WRN: variants seen among roughly 807,000 people sequenced by gnomAD.
The protein encoded by WRN is bifunctional 3'-5' exonuclease/ATP-dependent helicase WRN.
A neutral mutation model predicts 180.7 loss-of-function variants in WRN; 149 were observed. That is an observed-to-expected ratio of 0.82 (90% CI 0.72 to 0.94). The LOEUF (loss-of-function observed/expected upper bound fraction) is 0.94. WRN is among the 40% of genes least tolerant of loss of function. The pLI is 0.00. For synonymous variants in WRN, 548 were observed against 568.9 expected (o/e 0.96, Z 0.52); for missense variants, 1,661 against 1,700.1 (o/e 0.98, Z 0.40).
intron 1 of WRN, among the ~76,000 whole-genome samples, chr8:31,052,666 C>T (rs899388105): frequency 1.3e-5 from 2 of 152,178 alleles, no homozygotes; most frequent in Non-Finnish European, 2.9e-5. Context: ...GGATTACACA[C>T]GTGAGCCACT....
intron 34 of WRN, 43 bp downstream of exon 34, chr8:31,167,273 C>T (rs1803937400): frequency 6.6e-7 from 1 of 1,511,134 alleles, no homozygotes; most frequent in Non-Finnish European, 9.1e-7. Context: ...TCAGTTTGTT[C>T]AATTTGCATA....
chr8:31,166,049 G>A (rs1434050611), intron 33 of WRN, among the ~76,000 whole-genome samples: 4 of 151,818 alleles, frequency 2.6e-5, no homozygotes, highest in South Asian at 2.1e-4. Flanking sequence ...GTTTTGTTTT[G>A]TTTTGTTTTT....
At position 31,124,923 on chromosome 8, in the gene WRN, T is replaced by G; in HGVS notation, c.2748T>G (p.His916Gln). The G allele has an allele frequency of 1.2e-6, 2 of 1,613,064 alleles. No individual in the cohort carries two copies. The highest frequency in any genetic ancestry group is 1.7e-6 in the Non-Finnish European group (2 of 1,179,412). Reference sequence around the variant, plus strand: ...TCTTGGGTAGAATCATCTTGTCTCATTTTGAGGACAAACAAGTACAAAAAG... The same window carrying G: ...TCTTGGGTAGAATCATCTTGTCTCAGTTTGAGGACAAACAAGTACAAAAAG... The part of the protein sequence containing the change: ...SRCRRQIILS[H>Q]FEDKQVQKAS... Residue 916 changes from histidine to glutamine, a missense_variant, in exon 23 of 35, where the codon CAT (histidine) becomes CAG (glutamine). Coordinates refer to ENST00000298139, the MANE Select transcript of WRN (RefSeq NM_000553.6).
At chr8:31,117,503 C>G (rs1399474953) in intron 20 of WRN, among the ~76,000 whole-genome samples, 1 of 152,084 alleles carries the variant, frequency 6.6e-6, no homozygotes, top group Non-Finnish European at 1.5e-5. Context: ...CAGTGGGTGT[C>G]ATAGAGGATT....
At chr8:31,070,921 C>G (rs1445304604) in intron 7 of WRN, among the ~76,000 whole-genome samples, 1 of 151,960 alleles carries the variant, frequency 6.6e-6, no homozygotes, top group African/African-American at 2.4e-5. Flanking sequence ...TGACGGGCAC[C>G]TGTAATCCCA....
rs921289350 is a variant in WRN, at chr8:31,111,625, T to C, written c.2099T>C (p.Val700Ala). 3 of 1,614,058 alleles carry C rather than the reference T, an allele frequency of 1.9e-6. No homozygotes were observed. The highest frequency in any genetic ancestry group is 2.5e-6 in the Non-Finnish European group (3 of 1,179,952). The stretch of plus-strand genomic sequence containing the variant: ...TTTTACATCATTCAGGTTCCAATCG[T>C]TGCACTTACTGCTACTGCAAGTTCT... ...LKTALPMVPI[V>A]ALTATASSSI... Residue 700 changes from valine (V) to alanine (A), a missense_variant, in exon 19 of 35, where the codon GTT becomes GCT. Physicochemically the swap from Val to Ala is moderately conservative, Grantham distance 64 (BLOSUM62 0). This residue lies in a region of WRN where 1,141 missense variants were observed against 1,149.4 expected (regional missense o/e 0.99). Coordinates refer to ENST00000298139, the MANE Select transcript of WRN (RefSeq NM_000553.6).
intron 11 of WRN, among the ~76,000 whole-genome samples, chr8:31,085,994 A>T (rs1046026366): frequency 1.4e-4 from 21 of 152,034 alleles, no homozygotes; most frequent in African/African-American, 5.1e-4. Context: ...TAAATGGTTC[A>T]GTTTTACTCT....
At chr8:31,147,498 T>G (rs1802907200) in intron 30 of WRN, 22 bp downstream of exon 30, 1 of 1,456,780 alleles carries the variant, frequency 6.9e-7, no homozygotes, top group African/African-American at 2.6e-5. Context: ...TTTGCATGTG[T>G]TCTATTTATT....
chr8:31,109,203 T>A (rs1364501803), intron 18 of WRN, among the ~76,000 whole-genome samples: 1 of 152,178 alleles, frequency 6.6e-6, no homozygotes, highest in Non-Finnish European at 1.5e-5. Flanking sequence ...TGGCTTAAGA[T>A]CAGGGGCTCA....
chr8:31,119,146 C>T (rs1303059560), intron 20 of WRN, among the ~76,000 whole-genome samples: 3 of 151,840 alleles, frequency 2.0e-5, no homozygotes, highest in Non-Finnish European at 2.9e-5. Flanking sequence ...CTTTTACTTA[C>T]TCAGCATTTT....
In WRN at chr8:31,143,024, GACACACACACACACAC is replaced by G. The variant is rs10529735; in HGVS notation, c.3309+339_3309+354del. 2.2e-5 allele frequency among the ~76,000 whole-genome samples: 3 copies of G among 136,526 alleles called. No homozygotes were observed. In the East Asian group the frequency reaches 6.3e-4, roughly 29 times the overall value. 89.6% of individuals were successfully genotyped at this position (136,526 alleles called of 152,430 possible). On this transcript the variant is annotated intron_variant, in intron 27 of 34. Transcript: ENST00000298139. ...TTGATTCCTAAGTGTTCTTATTAAA[GACACACACACACACAC>G]ACACACACACACACATTCTCTCTCT... is the stretch of plus-strand genomic sequence containing the variant.
rs1804196998 is a variant in WRN at position 31,174,159 on chromosome 8, AT to A, written c.*1059del. ...TAGTTAAAATATAAAAGTCTCGTAT[AT>A]TCCCATTTTTCTGCATTGCATTACC... On this transcript the variant is annotated 3_prime_UTR_variant, in exon 35 of 35. Transcript: ENST00000298139. 6.6e-6 allele frequency among the ~76,000 whole-genome samples: 1 copy of A among 152,224 alleles called. No individual in the cohort carries two copies. The highest frequency in any genetic ancestry group is 2.1e-4 in the South Asian group (1 of 4,832).
intron 30 of WRN, among the ~76,000 whole-genome samples, chr8:31,148,552 ATATT>A (rs11574364): frequency 0.027 from 4,049 of 152,220 alleles, 176 homozygotes; most frequent in African/African-American, 0.089. Flanking sequence ...CAACTTCCAT[ATATT>A]TATTTACAGT....
chr8:31,129,734 C>A (rs1038637054), intron 23 of WRN, among the ~76,000 whole-genome samples: 1 of 151,916 alleles, frequency 6.6e-6, no homozygotes, highest in Admixed American at 6.6e-5. Flanking sequence ...AGGCTGGGTG[C>A]GTTGGCTCAC....
Position 31,174,753 on chromosome 8 carries a change from TTCC to T in WRN, c.*1654_*1656del, listed in dbSNP as rs1204576179. 1.4e-5 allele frequency among the ~76,000 whole-genome samples: 2 copies of T among 146,712 alleles called. No homozygotes were observed. The highest frequency in any genetic ancestry group is 3.0e-5 in the Non-Finnish European group (2 of 66,316). ...CTCCTCCTCCTCCTTCTTCTTCCTCTTCCTCTTCTTCTTTCTCTCTTTCCTTCC... is the reference window on the plus strand; with the variant it reads ...CTCCTCCTCCTCCTTCTTCTTCCTCTTCTTCTTCTTTCTCTCTTTCCTTCC... On this transcript the variant is annotated 3_prime_UTR_variant, in exon 35 of 35. Coordinates refer to ENST00000298139, the MANE Select transcript of WRN (RefSeq NM_000553.6).
At position 31,124,596 on chromosome 8, in the gene WRN, A is replaced by T. The variant is rs1341524063; in HGVS notation, c.2705A>T (p.Tyr902Phe). The part of the protein sequence containing the change: ...KLKMMAKMEK[Y>F]LHSSRCRRQI... ...AAGATGATGGCAAAGATGGAAAAAT[A>T]TCTTCATTCTAGCAGATGTAGGAGA... Residue 902 changes from tyrosine (Y) to phenylalanine (F), a missense_variant, in exon 22 of 35, where the codon TAT becomes TTT. Around this residue, in one of 3 missense-constraint regions of WRN, gnomAD observed 1,141 missense variants for 1,149.4 expected, o/e 0.99. Transcript: ENST00000298139. 1 of 1,612,442 alleles carries T rather than the reference A, an allele frequency of 6.2e-7. No individual in the cohort carries two copies. The highest frequency in any genetic ancestry group is 2.2e-5 in the East Asian group (1 of 44,732).
chr8:31,157,647 T>A, intron 33 of WRN, 117 bp downstream of exon 33: 1 of 1,349,734 alleles, frequency 7.4e-7, no homozygotes, highest in Non-Finnish European at 1.0e-6. Context: ...AAACCTTACT[T>A]TTGTGATTCT....
At chr8:31,165,897 T>C (rs765323471) in intron 33 of WRN, among the ~76,000 whole-genome samples, 1 of 152,104 alleles carries the variant, frequency 6.6e-6, no homozygotes, top group Non-Finnish European at 1.5e-5. Flanking sequence ...CAATTTTAGT[T>C]TGGTTGAGAG....
rs1563397653 is a variant in WRN at position 31,174,821 on chromosome 8, C to CTTCCT, written c.*1720_*1721insTCCTT. 1.5e-3 allele frequency among the ~76,000 whole-genome samples: 79 copies of CTTCCT among 52,878 alleles called. 2 individuals are homozygous for CTTCCT. The highest frequency in any genetic ancestry group is 2.1e-3 in the Non-Finnish European group (51 of 24,442). 34.7% of individuals were successfully genotyped at this position (52,878 alleles called of 152,430 possible). A position where few individuals can be genotyped will look rare whatever the true frequency, so the allele number is the denominator to read the frequency against. On this transcript the variant is annotated 3_prime_UTR_variant, in exon 35 of 35. Transcript: ENST00000298139. ...CCTTCCTTCCTTCCTTCCTTCCTTC[C>CTTCCT]TCCCTCCCTCCCTCCCTCCCTCCCT...
Sources: allele counts gnomAD v4.1 joint callset (sites outside exome capture counted in the v4.1 genomes callset), GRCh38; gene constraint gnomAD v4.1.1; regional missense constraint gnomAD v4.1.1; transcripts MANE v1.5; gene names NCBI Gene and HGNC (gene_info 2026-07-23, HGNC 2026-07-21).